LYPD4: variants seen among roughly 807,000 people sequenced by gnomAD.
The protein encoded by LYPD4 is LY6/PLAUR domain containing 4, also known as ly6/PLAUR domain-containing protein 4.
A neutral mutation model predicts 18.2 loss-of-function variants in LYPD4; 20 were observed. The observed-to-expected ratio is 1.10, with a 90% CI of 0.77 to 1.59. The LOEUF (loss-of-function observed/expected upper bound fraction) is 1.59. Ranked by LOEUF, LYPD4 falls within the 40% of genes most tolerant of loss-of-function variation. LYPD4 has a pLI of 0.00. For missense variants in LYPD4, 278 were observed against 300.3 expected (o/e 0.93, Z 0.55); for synonymous variants, 111 against 118.3 (o/e 0.94, Z 0.40).
At chr19:41,839,880 T>A (rs1555832845) in intron 1 of LYPD4, among the ~76,000 whole-genome samples, 1 of 151,696 alleles carries the variant, frequency 6.6e-6, no homozygotes, top group Admixed American at 6.6e-5. Flanking sequence ...TAAAACCCCA[T>A]CTCTACTAAA....
intron 1 of LYPD4, 34 bp from the exon 2 acceptor site, chr19:41,839,439 G>A (rs2073500957): frequency 1.4e-6 from 1 of 703,016 alleles, no homozygotes; most frequent in Non-Finnish European, 2.5e-6. Context: ...CAGCTTCTAG[G>A]ACATAGGCTC....
At chr19:41,835,992 A>G (rs1251969459), downstream of LYPD4, 1 of 186,932 alleles carries the variant, frequency 5.3e-6, no homozygotes, top group African/African-American at 2.4e-5. Flanking sequence ...ACCTCACAAG[A>G]TAGTGGGAGA....
Position 41,838,058 on chromosome 19 carries a change from A to G in LYPD4, c.415T>C (p.Ser139Pro). 6.2e-7 allele frequency: 1 copy of G among 1,614,190 alleles called. No homozygotes were observed. Among genetic ancestry groups the G allele is most frequent in the Non-Finnish European group, 8.5e-7 (1 of 1,180,020 alleles). Residue 139 changes from serine to proline, a missense_variant, in exon 4 of 5, where the codon TCC becomes CCC. By Grantham distance (74) the Ser-to-Pro change is moderately conservative (BLOSUM62 -1). Transcript: ENST00000609812. ...CCCACACAGGTCGGGCAGCTACAGG[A>G]CGCAGATGTGATAGACTTAGGAGTG... ...ASTPKSITSA[S>P]CSCPTCVGEH...
chr19:41,840,646 C>T (rs1007223677), intron 1 of LYPD4, among the ~76,000 whole-genome samples: 2 of 151,840 alleles, frequency 1.3e-5, no homozygotes, highest in East Asian at 1.9e-4. Context: ...TCCTGGCTAA[C>T]ACGGTGAAAC....
intron 1 of LYPD4, among the ~76,000 whole-genome samples, chr19:41,839,972 C>A (rs1196064907): frequency 6.6e-6 from 1 of 151,866 alleles, no homozygotes; most frequent in East Asian, 1.9e-4. Flanking sequence ...TCGCTTGAAC[C>A]CAGGAGGCGG....
chr19:41,840,887 A>G (rs956222447), intron 1 of LYPD4, among the ~76,000 whole-genome samples: 1 of 152,168 alleles, frequency 6.6e-6, no homozygotes, highest in Admixed American at 6.5e-5. Flanking sequence ...CAGCTAAAGC[A>G]GTATTTAGAA....
Position 41,839,001 on chromosome 19 carries a change from C to G in LYPD4, c.91G>C (p.Glu31Gln). The change falls in exon 3 of 5, where the codon GAA (glutamate) becomes CAA (glutamine). Residue 31 changes from glutamate (E) to glutamine (Q), a missense_variant. Coordinates refer to ENST00000609812, the MANE Select transcript of LYPD4 (RefSeq NM_173506.7). ...GCTCTGAATCTTGAGGCTGTTGCTTCATAGCACAAAAGAGCTCCAGCCCCT... is the reference window on the plus strand; with the variant it reads ...GCTCTGAATCTTGAGGCTGTTGCTTGATAGCACAAAAGAGCTCCAGCCCCT... ...LPRAGALLCY[E>Q]ATASRFRAVA... 1 of 1,613,842 alleles carries G rather than the reference C, an allele frequency of 6.2e-7. No homozygotes were observed. Among genetic ancestry groups the G allele is most frequent in the Non-Finnish European group, 8.5e-7 (1 of 1,180,000 alleles).
intron 4 of LYPD4, 38 bp downstream of exon 4, chr19:41,837,897 G>C: frequency 6.5e-7 from 1 of 1,543,680 alleles, no homozygotes; most frequent in Non-Finnish European, 8.8e-7. Context: ...GCCTGGCAGA[G>C]AGTAGGCATT....
chr19:41,836,341 G>C (rs868990021), downstream of LYPD4, among the ~76,000 whole-genome samples: 1 of 56,972 alleles, frequency 1.8e-5, no homozygotes, highest in Non-Finnish European at 3.3e-5. Flanking sequence ...CTACTGAGCA[G>C]ATAAAATAAT....
At position 41,838,075 on chromosome 19, in the gene LYPD4, T is replaced by G; in HGVS notation, c.398A>C (p.Lys133Thr). 1 of 1,614,096 alleles carries G rather than the reference T, an allele frequency of 6.2e-7. No individual in the cohort carries two copies. Among genetic ancestry groups the G allele is most frequent in the African/African-American group, 1.3e-5 (1 of 75,004 alleles). Residue 133 changes from lysine to threonine, a missense_variant, in exon 4 of 5, where the codon AAG becomes ACG. By Grantham distance (78) the Lys-to-Thr change is moderately conservative (BLOSUM62 -1). Coordinates refer to ENST00000609812, the MANE Select transcript of LYPD4 (RefSeq NM_173506.7). ...GCTACAGGACGCAGATGTGATAGAC[T>G]TAGGAGTGCTGGCCTTGAGTTTCAC... is the stretch of plus-strand genomic sequence containing the variant. Reference protein sequence around the residue: ...PFVKLKASTPKSITSASCSCP... With the variant: ...PFVKLKASTPTSITSASCSCP...
At chr19:41,839,569 C>G (rs146676575) in intron 1 of LYPD4, 164 bp from the exon 2 acceptor site, 1 of 475,586 alleles carries the variant, frequency 2.1e-6, no homozygotes, top group South Asian at 2.8e-5. Context: ...TTAGGTCCTC[C>G]CATTGGACAA....
chr19:41,838,290 G>A (rs377607634), intron 3 of LYPD4, 29 bp from the exon 4 acceptor site: 101 of 1,495,318 alleles, frequency 6.8e-5, no homozygotes, highest in Non-Finnish European at 1.5e-5. Flanking sequence ...AGAGAGCTCA[G>A]ATCAGTGTCA....
In LYPD4 at chr19:41,838,171, A is replaced by G; in HGVS notation, c.302T>C (p.Val101Ala). Reference protein sequence around the residue: ...QISYLVSPPGVSIASYSRVCR... With the variant: ...QISYLVSPPGASIASYSRVCR... ...GACGCGACTGTAGGAGGCAATGGAC[A>G]CTCCGGGTGGGGAAACAAGGTAGGA... The change falls in exon 4 of 5, where the codon GTG (valine) becomes GCG (alanine). Residue 101 changes from valine to alanine, a missense_variant. By Grantham distance (64) the Val-to-Ala change is moderately conservative. Coordinates refer to ENST00000609812, the MANE Select transcript of LYPD4 (RefSeq NM_173506.7). 1.2e-6 allele frequency: 2 copies of G among 1,601,508 alleles called. No homozygotes were observed. The highest frequency in any genetic ancestry group is 1.7e-6 in the Non-Finnish European group (2 of 1,172,424).
In LYPD4 at chr19:41,839,371, G is replaced by A. The variant is rs529212562; in HGVS notation, c.-86C>T. On this transcript the variant is annotated 5_prime_UTR_variant, in exon 2 of 5. Coordinates refer to ENST00000609812, the MANE Select transcript of LYPD4 (RefSeq NM_173506.7). ...CCAAGCTCAGTTCCCATCAGTCCCC[G>A]AATTCTTTGTCCACCTGTCTCTGGG... The A allele has an allele frequency of 2.3e-5, 29 of 1,284,294 alleles. No homozygotes were observed. The highest frequency in any genetic ancestry group is 5.8e-5 in the African/African-American group (4 of 68,388). 79.6% of individuals were successfully genotyped at this position (1,284,294 alleles called of 1,614,324 possible).
In LYPD4 at chr19:41,843,569, C is replaced by T. The variant is rs1189773005; in HGVS notation, c.-121+9G>A. 1 of 151,682 alleles carries T rather than the reference C, an allele frequency of 6.6e-6. No homozygotes were observed. Among genetic ancestry groups the T allele is most frequent in the Non-Finnish European group, 1.5e-5 (1 of 67,986 alleles). 9.4% of individuals were successfully genotyped at this position (151,682 alleles called of 1,614,324 possible). A position where few individuals can be genotyped will look rare whatever the true frequency, so the allele number is the denominator to read the frequency against. The stretch of plus-strand genomic sequence containing the variant: ...CACCCCACCCCACCCCAGATAAGCG[C>T]CACCCAACCTTTCCAATTTTATCTA... On this transcript the variant is annotated intron_variant, in intron 1 of 4. Coordinates refer to ENST00000609812, the MANE Select transcript of LYPD4 (RefSeq NM_173506.7).
Position 41,838,031 on chromosome 19 carries a change from C to T in LYPD4, c.442G>A (p.Glu148Lys), listed in dbSNP as rs577217524. Residue 148 changes from glutamate to lysine, a missense_variant, in exon 4 of 5, where the codon GAG becomes AAG. Coordinates refer to ENST00000609812, the MANE Select transcript of LYPD4 (RefSeq NM_173506.7). ...ASCSCPTCVGEHMKDCLPNFV... is the reference protein window; with the variant it reads ...ASCSCPTCVGKHMKDCLPNFV... ...TTTGGGAGGCAATCCTTCATGTGCT[C>T]GCCCACACAGGTCGGGCAGCTACAG... 4.3e-6 allele frequency: 7 copies of T among 1,614,010 alleles called. No individual in the cohort carries two copies. Among genetic ancestry groups the T allele is most frequent in the South Asian group, 2.2e-5 (2 of 91,082 alleles).
chr19:41,842,061 T>C (rs1473117660), intron 1 of LYPD4, among the ~76,000 whole-genome samples: 5 of 152,194 alleles, frequency 3.3e-5, no homozygotes, highest in African/African-American at 1.2e-4. Flanking sequence ...TGCAGCATTT[T>C]TTTTTTCTGA....
chr19:41,843,067 AAAAAAAAAAACCC>A (rs2073688134), intron 1 of LYPD4, among the ~76,000 whole-genome samples: 1 of 39,782 alleles, frequency 2.5e-5, no homozygotes, highest in Non-Finnish European at 5.4e-5. Flanking sequence ...AAAAAAAAAA[AAAAAAAAAAACCC>A]CAACAACAAC....
rs782571006 is a variant in LYPD4 at position 41,838,252 on chromosome 19, C to T, written c.221G>A (p.Arg74Lys). 1.6e-5 allele frequency: 24 copies of T among 1,525,026 alleles called. No individual in the cohort carries two copies. The African/African-American group carries it at 1.9e-4, about 12-fold the overall frequency. The allele number at this position is 1,525,026 out of a possible 1,614,324, so 94.5% of individuals were successfully genotyped here. A position where few individuals can be genotyped will look rare whatever the true frequency, so the allele number is the denominator to read the frequency against. The change falls in exon 4 of 5, where the codon AGG becomes AAG. Residue 74 changes from arginine (R) to lysine (K), a missense_variant. By Grantham distance (26) the Arg-to-Lys change is conservative. Coordinates refer to ENST00000609812, the MANE Select transcript of LYPD4 (RefSeq NM_173506.7). ...GCAGCCTTTAAAGCCCACGACTCCC[C>T]TTGCAGTCCCTGAGGAGCAGAGGAT... ...TLVFIETGTARGVVGFKGCSS... is the reference protein window; with the variant it reads ...TLVFIETGTAKGVVGFKGCSS...
Sources: gnomAD v4.1 joint callset for allele counts (sites outside exome capture counted in the v4.1 genomes callset) on GRCh38, gnomAD v4.1.1 for gene constraint, MANE v1.5 for transcripts, NCBI Gene and HGNC (gene_info 2026-07-23, HGNC 2026-07-21) for gene names.